The following FURIN variants were observed in gnomAD, a reference collection of about 807,000 sequenced individuals.
FURIN encodes FES upstream region.
In FURIN, 18 loss-of-function variants were observed where a neutral mutation model predicts 89.2. That is an observed-to-expected ratio of 0.20 (90% CI 0.14 to 0.30). The LOEUF (loss-of-function observed/expected upper bound fraction) is 0.30, where lower values mean the gene tolerates loss of function less well. Among genes scored for constraint, FURIN ranks in the 10% least tolerant of loss-of-function variants. The pLI is 1.00. For missense variants in FURIN, 879 were observed against 1,100.5 expected (o/e 0.80, Z 2.85); for synonymous variants, 508 against 466.4 (o/e 1.09, Z -1.15).
chr15:90,873,529 A>G (rs1050561816), intron 1 of FURIN, among the ~76,000 whole-genome samples: 1 of 151,976 alleles, frequency 6.6e-6, no homozygotes, highest in African/African-American at 2.4e-5. Context: ...TCTGGACCCA[A>G]GAGGCAGCTG....
At position 90,881,895 on chromosome 15, in the gene FURIN, C is replaced by T. The variant is rs1286211158; in HGVS notation, c.*17C>T. 6.5e-7 allele frequency: 1 copy of T among 1,528,404 alleles called. No individual in the cohort carries two copies. The highest frequency in any genetic ancestry group is 9.0e-7 in the Non-Finnish European group (1 of 1,114,902). The allele number at this position is 1,528,404 out of a possible 1,614,324, so 94.7% of individuals were successfully genotyped here. On this transcript the variant is annotated 3_prime_UTR_variant, in exon 16 of 16. Transcript: ENST00000268171. This position sits in a 1 kb window ranked among gnomAD's most constrained non-coding sequence, Gnocchi z 4.3. Reference sequence around the variant, plus strand: ...GCCCTCTGATGAGCCCACTGCCCACCCCCTCAAGCCAATCCCCTCCTTGGG... The same window carrying T: ...GCCCTCTGATGAGCCCACTGCCCACTCCCTCAAGCCAATCCCCTCCTTGGG...
chr15:90,880,236 A>G lies in FURIN; in HGVS notation c.1519A>G (p.Ser507Gly), dbSNP rs376145337. ...TGGCGACCTGGCCATCCACCTGGTC[A>G]GCCCCATGGGCACCCGCTCCACCCT... is the stretch of plus-strand genomic sequence containing the variant. ...RRGDLAIHLV[S>G]PMGTRSTLLA... Residue 507 changes from serine (S) to glycine (G), a missense_variant, in exon 13 of 16, where the codon AGC (serine) becomes GGC (glycine). Around this residue, in one of 5 missense-constraint regions of FURIN, gnomAD observed 457 missense variants for 490.7 expected, o/e 0.93. Transcript: ENST00000268171. The G allele has an allele frequency of 4.2e-5, 67 of 1,611,460 alleles. No homozygotes were observed. The highest frequency in any genetic ancestry group is 2.2e-5 in the East Asian group (1 of 44,852).
Position 90,875,903 on chromosome 15 carries a change from C to G in FURIN, c.163C>G (p.Leu55Val). The change falls in exon 2 of 16, where the codon CTC (leucine) becomes GTC (valine). Residue 55 changes from leucine to valine, a missense_variant. This residue lies in a region of FURIN where 125 missense variants were observed against 125.0 expected (regional missense o/e 1.00). Transcript: ENST00000268171. ...ANSVARKHGF[L>V]NLGQIFGDYY... ...CAGTGTGGCACGGAAGCATGGGTTC[C>G]TCAACCTGGGCCAGGTAGGTGTTCC... 1 of 1,586,820 alleles carries G rather than the reference C, an allele frequency of 6.3e-7. No individual in the cohort carries two copies. The highest frequency in any genetic ancestry group is 8.6e-7 in the Non-Finnish European group (1 of 1,167,692).
At chr15:90,875,371 G>T (rs1438729140) in intron 1 of FURIN, among the ~76,000 whole-genome samples, 2 of 152,154 alleles carry the variant, frequency 1.3e-5, no homozygotes, top group African/African-American at 4.8e-5. Context: ...ATGGAGAAAG[G>T]ATTGGGGGGG....
chr15:90,880,628 G>A, intron 13 of FURIN, 63 bp from the exon 14 acceptor site: 1 of 1,554,106 alleles, frequency 6.4e-7, no homozygotes, highest in Non-Finnish European at 8.7e-7. Flanking sequence ...TGTGCTGTGG[G>A]TTAGATGTCC....
chr15:90,877,782 C>A (rs2031719287), intron 7 of FURIN, among the ~76,000 whole-genome samples, 167 bp downstream of exon 7: 1 of 152,212 alleles, frequency 6.6e-6, no homozygotes, highest in African/African-American at 2.4e-5. Context: ...AAGAGCTGGA[C>A]CCCTGTGGAG....
Position 90,876,922 on chromosome 15 carries a change from T to G in FURIN, c.399T>G (p.Asn133Lys). The G allele has an allele frequency of 6.2e-7, 1 of 1,614,130 alleles. No homozygotes were observed. The highest frequency in any genetic ancestry group is 8.5e-7 in the Non-Finnish European group (1 of 1,179,998). The change falls in exon 5 of 16, where the codon AAT becomes AAG. Residue 133 changes from asparagine to lysine, a missense_variant. By Grantham distance (94) the Asn-to-Lys change is moderately conservative. Transcript: ENST00000268171. This position sits in a 1 kb window ranked among gnomAD's most constrained non-coding sequence, Gnocchi z 5.0. ...CTGGTGTCACTCAGCGGGACCTGAA[T>G]GTGAAGGCGGCCTGGGCGCAGGGCT... ...YLSGVTQRDLNVKAAWAQGYT... is the reference protein window; with the variant it reads ...YLSGVTQRDLKVKAAWAQGYT...
Position 90,879,950 on chromosome 15 carries a change from C to A in FURIN, c.1342C>A (p.Arg448=), listed in dbSNP as rs771760622. The change falls in exon 12 of 16, where the codon CGG becomes AGG. Residue 448 remains arginine, a synonymous_variant. Coordinates refer to ENST00000268171, the MANE Select transcript of FURIN (RefSeq NM_002569.4). ...AQNWTTVAPQ[R]KCIIDILTEP... ...GAATTGGACCACAGTGGCCCCCCAGCGGAAGTGCATCATCGACATCCTCAC... is the reference window on the plus strand; with the variant it reads ...GAATTGGACCACAGTGGCCCCCCAGAGGAAGTGCATCATCGACATCCTCAC... 9 of 1,613,108 alleles carry A rather than the reference C, an allele frequency of 5.6e-6. No homozygotes were observed. In the South Asian group the frequency reaches 9.9e-5, roughly 18 times the overall value.
intron 9 of FURIN, 145 bp from the exon 10 acceptor site, chr15:90,879,299 C>A: frequency 1.5e-6 from 1 of 664,842 alleles, no homozygotes; most frequent in Middle Eastern, 2.7e-4. Context: ...GTTAGCAAGG[C>A]AGCAGCTGGG....
rs368815535 is a variant in FURIN at position 90,876,578 on chromosome 15, C to T, written c.372+21C>T. ...ACCTGGTACGTGGCCTTCTTCGCTGCTGGGACCTCCTCCCCAGATGCACCA... is the reference window on the plus strand; with the variant it reads ...ACCTGGTACGTGGCCTTCTTCGCTGTTGGGACCTCCTCCCCAGATGCACCA... On this transcript the variant is annotated intron_variant, in intron 4 of 15. Transcript: ENST00000268171. The surrounding 1 kb of genome is among the most constrained non-coding windows in gnomAD (Gnocchi z 5.0). The T allele has an allele frequency of 3.5e-5, 51 of 1,471,744 alleles. No individual in the cohort carries two copies. Among genetic ancestry groups the T allele is most frequent in the Non-Finnish European group, 4.6e-5 (48 of 1,051,210 alleles). 91.2% of individuals were successfully genotyped at this position (1,471,744 alleles called of 1,614,324 possible).
Position 90,879,693 on chromosome 15 carries a change from A to T in FURIN, c.1177A>T (p.Met393Leu), listed in dbSNP as rs1301751436. The change falls in exon 11 of 16, where the codon ATG becomes TTG. Residue 393 changes from methionine to leucine, a missense_variant. By Grantham distance (15) the Met-to-Leu change is conservative (BLOSUM62 2). Coordinates refer to ENST00000268171, the MANE Select transcript of FURIN (RefSeq NM_002569.4). ...EANKNLTWRD[M>L]QHLVVQTSKP... ...CAGTAAGAACCTCACATGGCGGGAC[A>T]TGCAACACCTGGTGGTACAGACCTC... 6.2e-7 allele frequency: 1 copy of T among 1,613,660 alleles called. No homozygotes were observed. The highest frequency in any genetic ancestry group is 8.5e-7 in the Non-Finnish European group (1 of 1,179,960).
At chr15:90,871,121 C>G (rs889355647) in intron 1 of FURIN, among the ~76,000 whole-genome samples, 5 of 152,178 alleles carry the variant, frequency 3.3e-5, no homozygotes, top group Non-Finnish European at 7.3e-5. Context: ...TGGAGGACCC[C>G]AGGTCCGCCG....
In FURIN at chr15:90,876,962, A is replaced by G. The variant is rs758101959; in HGVS notation, c.439A>G (p.Ile147Val). 1.9e-6 allele frequency: 3 copies of G among 1,614,120 alleles called. No individual in the cohort carries two copies. The highest frequency in any genetic ancestry group is 2.5e-6 in the Non-Finnish European group (3 of 1,179,976). ...GGCGCAGGGCTACACAGGGCACGGCATTGTGGTCTCCATTCTGGACGATGG... is the reference window on the plus strand; with the variant it reads ...GGCGCAGGGCTACACAGGGCACGGCGTTGTGGTCTCCATTCTGGACGATGG... ...AWAQGYTGHG[I>V]VVSILDDGIE... is the part of the protein sequence containing the mutation. The change falls in exon 5 of 16, where the codon ATT becomes GTT. Residue 147 changes from isoleucine (I) to valine (V), a missense_variant. Coordinates refer to ENST00000268171, the MANE Select transcript of FURIN (RefSeq NM_002569.4). The surrounding 1 kb of genome is among the most constrained non-coding windows in gnomAD (Gnocchi z 5.0).
At chr15:90,872,087 A>T (rs1420877724) in intron 1 of FURIN, among the ~76,000 whole-genome samples, 1 of 151,038 alleles carries the variant, frequency 6.6e-6, no homozygotes, top group Admixed American at 6.6e-5. Flanking sequence ...GCGGCCGAGG[A>T]GGGCCTGCGT....
rs2032081134 is a variant in FURIN at position 90,882,865 on chromosome 15, C to G, written c.*987C>G. The G allele has an allele frequency of 6.5e-6, 1 of 152,700 alleles. No homozygotes were observed. Among genetic ancestry groups the G allele is most frequent in the Admixed American group, 6.5e-5 (1 of 15,288 alleles). 9.5% of individuals were successfully genotyped at this position (152,700 alleles called of 1,614,324 possible). A position where few individuals can be genotyped will look rare whatever the true frequency, so the allele number is the denominator to read the frequency against. On this transcript the variant is annotated 3_prime_UTR_variant, in exon 16 of 16. Transcript: ENST00000268171. Reference sequence around the variant, plus strand: ...ACACCCACCGTCCGCCCTGCTCCTCCCTGGCTGCCCTGGCCCTGAGGTGTG... The same window carrying G: ...ACACCCACCGTCCGCCCTGCTCCTCGCTGGCTGCCCTGGCCCTGAGGTGTG...
At chr15:90,879,267 G>A (rs986286487) in intron 9 of FURIN, among the ~76,000 whole-genome samples, 177 bp from the exon 10 acceptor site, 3 of 152,194 alleles carry the variant, frequency 2.0e-5, no homozygotes, top group African/African-American at 4.8e-5. Flanking sequence ...GGAGGGGCTC[G>A]TCATTAGCAT....
Position 90,879,957 on chromosome 15 carries a change from G to A in FURIN, c.1349G>A (p.Cys450Tyr). 1 of 1,613,036 alleles carries A rather than the reference G, an allele frequency of 6.2e-7. No homozygotes were observed. ...NWTTVAPQRKCIIDILTEPKD... is the reference protein window; with the variant it reads ...NWTTVAPQRKYIIDILTEPKD... ...ACCACAGTGGCCCCCCAGCGGAAGT[G>A]CATCATCGACATCCTCACCGAGCCC... The change falls in exon 12 of 16, where the codon TGC becomes TAC. Residue 450 changes from cysteine (C) to tyrosine (Y), a missense_variant. This residue lies in a region of FURIN where 457 missense variants were observed against 490.7 expected (regional missense o/e 0.93). Transcript: ENST00000268171.
intron 6 of FURIN, 29 bp downstream of exon 6, chr15:90,877,240 C>T (rs781768440): frequency 1.3e-6 from 2 of 1,518,148 alleles, no homozygotes; most frequent in Non-Finnish European, 1.8e-6. Context: ...CGGTCTCTGC[C>T]TCCCTTCTCC....
chr15:90,878,687 A>T, intron 8 of FURIN, 77 bp from the exon 9 acceptor site: 1 of 835,346 alleles, frequency 1.2e-6, no homozygotes, highest in Non-Finnish European at 1.9e-6. Context: ...CAGCCTTCCC[A>T]GTTTTCCAGC....
Sources: gnomAD v4.1 joint callset for allele counts (sites outside exome capture counted in the v4.1 genomes callset) on GRCh38, gnomAD v4.1.1 for gene constraint, gnomAD v4.1.1 regional missense constraint, Gnocchi (gnomAD v3.1) non-coding constraint, MANE v1.5 for transcripts, NCBI Gene and HGNC (gene_info 2026-07-23, HGNC 2026-07-21) for gene names.